NOS1AP: variants seen among roughly 807,000 people sequenced by gnomAD.
The protein encoded by NOS1AP is carboxyl-terminal PDZ ligand of neuronal nitric oxide synthase protein.
NOS1AP carries 21 observed loss-of-function variants against 56.2 expected under a neutral mutation model. That is an observed-to-expected ratio of 0.37 (90% CI 0.26 to 0.54). The LOEUF (loss-of-function observed/expected upper bound fraction) is 0.54. Among genes scored for constraint, NOS1AP ranks in the 20% least tolerant of loss-of-function variants. The probability of loss-of-function intolerance (pLI) is 0.84; values close to 1 mark genes in which losing one functional copy is unlikely to be tolerated. For missense variants in NOS1AP, 522 were observed against 657.8 expected, an observed-to-expected ratio of 0.79 and a Z score of 2.26; for synonymous variants, 270 against 274.6, an observed-to-expected ratio of 0.98 and a Z score of 0.17.
intron 2 of NOS1AP, among the ~76,000 whole-genome samples, chr1:162,217,587 G>A (rs1174173544): frequency 6.6e-6 from 1 of 152,122 alleles, no homozygotes; most frequent in African/African-American, 2.4e-5. Context: ...TTTTGTTCAA[G>A]CACTGGTGTG....
chr1:162,306,237 C>T (rs1655821929), intron 4 of NOS1AP, among the ~76,000 whole-genome samples: 1 of 152,174 alleles, frequency 6.6e-6, no homozygotes, highest in Admixed American at 6.5e-5. Context: ...GCTGTTGGCT[C>T]TTCATGGCAA....
chr1:162,264,902 C>T (rs987984658), intron 2 of NOS1AP, among the ~76,000 whole-genome samples: 6 of 151,434 alleles, frequency 4.0e-5, no homozygotes, highest in Non-Finnish European at 7.4e-5. Flanking sequence ...CAACTTCCGC[C>T]TCCTAGGCTC....
intron 2 of NOS1AP, among the ~76,000 whole-genome samples, chr1:162,200,916 CT>C (rs1286491789): frequency 6.6e-6 from 1 of 152,312 alleles, no homozygotes; most frequent in Non-Finnish European, 1.5e-5. Flanking sequence ...TTTTTTAAAA[CT>C]TTTATTCTAA....
intron 2 of NOS1AP, among the ~76,000 whole-genome samples, chr1:162,279,489 C>T (rs932189616): frequency 1.3e-5 from 2 of 152,232 alleles, no homozygotes; most frequent in Admixed American, 1.3e-4. Flanking sequence ...ATGAACCGCT[C>T]TTCCACCTTC....
At chr1:162,173,489 C>A (rs1650903959) in intron 2 of NOS1AP, among the ~76,000 whole-genome samples, 1 of 152,272 alleles carries the variant, frequency 6.6e-6, no homozygotes, top group Non-Finnish European at 1.5e-5. Flanking sequence ...TAGGCAATAC[C>A]ATTCAGGGCA....
intron 2 of NOS1AP, among the ~76,000 whole-genome samples, chr1:162,228,615 AG>A (rs1448772783): frequency 6.6e-6 from 1 of 152,236 alleles, no homozygotes; most frequent in Admixed American, 6.5e-5. Flanking sequence ...CTCAGGAGTA[AG>A]GGCAAGCTGG....
chr1:162,335,481 T>A (rs1196496447), intron 5 of NOS1AP, among the ~76,000 whole-genome samples: 1 of 152,236 alleles, frequency 6.6e-6, no homozygotes, highest in African/African-American at 2.4e-5. Context: ...TTTACCTTTT[T>A]TATAAAGCAC....
chr1:162,181,778 G>A (rs1651273041), intron 2 of NOS1AP, among the ~76,000 whole-genome samples: 1 of 152,200 alleles, frequency 6.6e-6, no homozygotes, highest in Non-Finnish European at 1.5e-5. Context: ...GGCTTCACAA[G>A]CCATCAGTAT....
At chr1:162,071,859 C>T (rs1423592854) in intron 1 of NOS1AP, among the ~76,000 whole-genome samples, 1 of 152,010 alleles carries the variant, frequency 6.6e-6, no homozygotes, top group Admixed American at 6.6e-5. Context: ...TCAGCAGTAC[C>T]CTATTTTACA....
At chr1:162,090,636 C>G (rs1323980349) in intron 1 of NOS1AP, among the ~76,000 whole-genome samples, 1 of 151,954 alleles carries the variant, frequency 6.6e-6, no homozygotes, top group African/African-American at 2.4e-5. Flanking sequence ...CCTATTATTT[C>G]TTTTTAATTA....
intron 1 of NOS1AP, among the ~76,000 whole-genome samples, chr1:162,088,190 G>T (rs1328406922): frequency 6.6e-6 from 1 of 152,116 alleles, no homozygotes; most frequent in Non-Finnish European, 1.5e-5. Context: ...AGAAGCCAGG[G>T]TCTTGGGCTT....
intron 2 of NOS1AP, among the ~76,000 whole-genome samples, chr1:162,285,938 C>A (rs148085578): frequency 0.012 from 1,780 of 152,280 alleles, 16 homozygotes; most frequent in Middle Eastern, 0.027. Context: ...GAAGAAGGAT[C>A]TCTTACCTCA....
intron 1 of NOS1AP, among the ~76,000 whole-genome samples, chr1:162,096,574 A>G (rs1352503967): frequency 5.3e-5 from 8 of 152,124 alleles, no homozygotes; most frequent in African/African-American, 1.9e-4. Context: ...CCAAGAAACA[A>G]CCACTATCTT....
intron 2 of NOS1AP, among the ~76,000 whole-genome samples, chr1:162,268,840 A>C (rs934548282): frequency 2.6e-5 from 4 of 152,278 alleles, no homozygotes; most frequent in South Asian, 2.1e-4. Context: ...TAGAAATACA[A>C]GTTAGAAGAG....
rs540716283 is a variant in NOS1AP at position 162,329,404 on chromosome 1, G to T, written c.345-3613G>T. ...GAGAGAAAAGAAATTTAAAGGAGAA[G>T]AAATTTTAGGAAAGTTGAAGGGGGA... On this transcript the variant is annotated intron_variant, in intron 4 of 9. Coordinates refer to ENST00000361897, the MANE Select transcript of NOS1AP (RefSeq NM_014697.3). 2.0e-5 allele frequency among the ~76,000 whole-genome samples: 3 copies of T among 151,724 alleles called. No individual in the cohort carries two copies. In the East Asian group the frequency reaches 5.8e-4, roughly 29 times the overall value.
Position 162,164,759 on chromosome 1 carries a change from G to T in NOS1AP, c.177+10283G>T, listed in dbSNP as rs1291822846. 1.3e-5 allele frequency among the ~76,000 whole-genome samples: 2 copies of T among 152,126 alleles called. 1 individual carries two copies. Among genetic ancestry groups the T allele is most frequent in the Admixed American group, 1.3e-4 (2 of 15,278 alleles). ...TTTGGTACTCAGCACATGACACAGG[G>T]TCTGGTGTGTGGCAAGTTTCCTCTT... On this transcript the variant is annotated intron_variant, in intron 2 of 9. Coordinates refer to ENST00000361897, the MANE Select transcript of NOS1AP (RefSeq NM_014697.3).
chr1:162,292,342 C>T (rs1429359921), intron 3 of NOS1AP, among the ~76,000 whole-genome samples: 2 of 152,156 alleles, frequency 1.3e-5, no homozygotes, highest in Non-Finnish European at 2.9e-5. Context: ...CCAGAGGGAG[C>T]AAACTGATGT....
At chr1:162,264,726 C>T (rs1162094431) in intron 2 of NOS1AP, among the ~76,000 whole-genome samples, 2 of 148,120 alleles carry the variant, frequency 1.4e-5, no homozygotes, top group East Asian at 2.0e-4. Flanking sequence ...AGGCTGGTCT[C>T]GAACTCCTGA....
intron 1 of NOS1AP, among the ~76,000 whole-genome samples, chr1:162,092,455 T>C (rs1225181893): frequency 1.3e-5 from 2 of 152,198 alleles, no homozygotes; most frequent in East Asian, 3.9e-4. Flanking sequence ...AATCTGGTGA[T>C]TGTTGACATT....
Sources: allele counts gnomAD v4.1 joint callset (sites outside exome capture counted in the v4.1 genomes callset), GRCh38; gene constraint gnomAD v4.1.1; transcripts MANE v1.5; gene names NCBI Gene and HGNC (gene_info 2026-07-23, HGNC 2026-07-21).